The following ADGRL3 variants were observed in gnomAD, a reference collection of about 807,000 sequenced individuals.
ADGRL3 encodes calcium-independent alpha-latrotoxin receptor 3.
Under a neutral mutation model 153.5 loss-of-function variants are expected in ADGRL3, and 62 were observed. The observed-to-expected ratio is 0.40, with a 90% CI of 0.33 to 0.50. The LOEUF is 0.50. Among genes scored for constraint, ADGRL3 ranks in the 20% least tolerant of loss-of-function variants. The pLI is 0.47. For synonymous variants in ADGRL3, 710 were observed against 672.5 expected (o/e 1.06, Z -0.86); for missense variants, 1,641 against 1,859.4 (o/e 0.88, Z 2.16).
intron 1 of ADGRL3, among the ~76,000 whole-genome samples, chr4:61,334,131 G>T (rs1005458241): frequency 2.0e-5 from 3 of 151,682 alleles, no homozygotes; most frequent in African/African-American, 7.3e-5. Flanking sequence ...TGGCCAGGCT[G>T]GTCTCAAACT....
At chr4:61,825,335 A>G (rs2097790830) in intron 9 of ADGRL3, among the ~76,000 whole-genome samples, 1 of 152,188 alleles carries the variant, frequency 6.6e-6, no homozygotes, top group Non-Finnish European at 1.5e-5. Context: ...GTATGATATT[A>G]TATGTGAAAA....
chr4:61,603,695 C>A (rs2099021139), intron 5 of ADGRL3, among the ~76,000 whole-genome samples: 1 of 151,856 alleles, frequency 6.6e-6, no homozygotes, highest in Non-Finnish European at 1.5e-5. Context: ...AAAAATTAAA[C>A]TTACCAACTC....
chr4:61,785,084 G>A (rs895988204), intron 8 of ADGRL3, among the ~76,000 whole-genome samples: 2 of 152,118 alleles, frequency 1.3e-5, no homozygotes, highest in African/African-American at 2.4e-5. Flanking sequence ...TCTATAAATT[G>A]ATAGGATTGA....
chr4:61,453,032 T>C (rs1455840517), intron 2 of ADGRL3, among the ~76,000 whole-genome samples: 1 of 152,154 alleles, frequency 6.6e-6, no homozygotes, highest in African/African-American at 2.4e-5. Context: ...GATAAAACCA[T>C]AGGTGGCCCA....
intron 8 of ADGRL3, among the ~76,000 whole-genome samples, chr4:61,734,820 T>C (rs1054905827): frequency 1.6e-4 from 25 of 152,230 alleles, no homozygotes; most frequent in Admixed American, 4.6e-4. Context: ...GCTGTAAAAA[T>C]GTATAACTAC....
intron 9 of ADGRL3, among the ~76,000 whole-genome samples, chr4:61,860,595 G>T (rs1206695011): frequency 6.6e-6 from 1 of 151,980 alleles, no homozygotes; most frequent in African/African-American, 2.4e-5. Flanking sequence ...GTTGTTGCCA[G>T]CATTATACAA....
intron 8 of ADGRL3, among the ~76,000 whole-genome samples, chr4:61,785,084 G>C (rs895988204): frequency 1.3e-5 from 2 of 152,118 alleles, no homozygotes; most frequent in Non-Finnish European, 2.9e-5. Flanking sequence ...TCTATAAATT[G>C]ATAGGATTGA....
intron 6 of ADGRL3, among the ~76,000 whole-genome samples, chr4:61,691,049 T>C (rs2095530983): frequency 1.3e-5 from 2 of 152,308 alleles, no homozygotes; most frequent in South Asian, 4.1e-4. Context: ...CTTGTGTTTC[T>C]CTTTTTAAGA....
chr4:61,379,679 G>T (rs763167236), intron 1 of ADGRL3, among the ~76,000 whole-genome samples: 31 of 151,964 alleles, frequency 2.0e-4, no homozygotes, highest in Non-Finnish European at 4.0e-4. Context: ...CATAATATTG[G>T]AATTAATGTC....
chr4:61,474,746 T>G (rs1161585578), intron 2 of ADGRL3, among the ~76,000 whole-genome samples: 1 of 152,106 alleles, frequency 6.6e-6, no homozygotes, highest in East Asian at 1.9e-4. Flanking sequence ...CACATATATC[T>G]CAAAGCTTTA....
At chr4:61,277,733 T>C (rs1465438073) in intron 1 of ADGRL3, among the ~76,000 whole-genome samples, 1 of 152,206 alleles carries the variant, frequency 6.6e-6, no homozygotes, top group Non-Finnish European at 1.5e-5. Context: ...AGGATAATGA[T>C]ATCTATCCAA....
rs139932503 is a variant in ADGRL3 at position 62,053,199 on chromosome 4, C to T, written c.3814+8650C>T. 4.9e-3 allele frequency among the ~76,000 whole-genome samples: 736 copies of T among 151,378 alleles called. 2 individuals carry two copies. The highest frequency in any genetic ancestry group is 0.017 in the African/African-American group (702 of 41,442). On this transcript the variant is annotated intron_variant, in intron 25 of 26. Coordinates refer to ENST00000683033, the MANE Select transcript of ADGRL3 (RefSeq NM_001387552.1). ...TTTGTGAGGTAAATGGGAGTTAATT[C>T]AATTACCTAAAAAATTAAAATGTGA...
At chr4:61,554,753 C>G (rs974016632) in intron 4 of ADGRL3, among the ~76,000 whole-genome samples, 5 of 152,226 alleles carry the variant, frequency 3.3e-5, no homozygotes, top group African/African-American at 1.2e-4. Context: ...TCTCTGTCCC[C>G]TTAGGTTATG....
rs191170238 is a variant in ADGRL3 at position 61,752,137 on chromosome 4, G to A, written c.1399+18583G>A. ...GTCCATACTTACCTCGGGAAGAAAA[G>A]TATTTTGTTCCTGCTCTTATAGATT... On this transcript the variant is annotated intron_variant, in intron 8 of 26. Coordinates refer to ENST00000683033, the MANE Select transcript of ADGRL3 (RefSeq NM_001387552.1). Among the ~76,000 whole-genome samples, 23 of 152,260 alleles carry A rather than the reference G, an allele frequency of 1.5e-4. No homozygotes were observed. In the East Asian group the frequency reaches 4.1e-3, roughly 27 times the overall value.
intron 9 of ADGRL3, among the ~76,000 whole-genome samples, chr4:61,822,350 A>G (rs576849956): frequency 6.6e-6 from 1 of 152,006 alleles, no homozygotes; most frequent in African/African-American, 2.4e-5. Flanking sequence ...TGTATCAAAC[A>G]CAGAAAAATA....
intron 5 of ADGRL3, among the ~76,000 whole-genome samples, chr4:61,595,198 A>T (rs1393706115): frequency 6.6e-6 from 1 of 151,296 alleles, no homozygotes; most frequent in Non-Finnish European, 1.5e-5. Context: ...GCAAGACAAA[A>T]TCCCCTTTAT....
At chr4:62,045,731 A>G (rs1730787027) in intron 25 of ADGRL3, among the ~76,000 whole-genome samples, 1 of 151,998 alleles carries the variant, frequency 6.6e-6, no homozygotes, top group African/African-American at 2.4e-5. Flanking sequence ...TAGTAACTAT[A>G]AACTAGTGAT....
intron 4 of ADGRL3, among the ~76,000 whole-genome samples, chr4:61,532,516 CTGCAGGATGCTGCATGCGCGCGCG>C (rs1325453123): frequency 6.8e-6 from 1 of 147,722 alleles, no homozygotes; most frequent in African/African-American, 2.5e-5. Context: ...AGTCTTGTTT[CTGCAGGATGCTGCATGCGCGCGCG>C]CGCGCGCGCG....
In ADGRL3 at chr4:61,515,192, C is replaced by T. The variant is rs533426216; in HGVS notation, c.56-2123C>T. ...CTTCACCTTGACCCCTATACCCAGCCGTTGTGCTATTTCTCAAACACACCA... is the reference window on the plus strand; with the variant it reads ...CTTCACCTTGACCCCTATACCCAGCTGTTGTGCTATTTCTCAAACACACCA... On this transcript the variant is annotated intron_variant, in intron 3 of 26. Coordinates refer to ENST00000683033, the MANE Select transcript of ADGRL3 (RefSeq NM_001387552.1). 2.6e-5 allele frequency among the ~76,000 whole-genome samples: 4 copies of T among 152,228 alleles called. No homozygotes were observed. The East Asian group carries it at 7.8e-4, about 30-fold the overall frequency.
Sources: allele counts gnomAD v4.1 joint callset (sites outside exome capture counted in the v4.1 genomes callset), GRCh38; gene constraint gnomAD v4.1.1; transcripts MANE v1.5; gene names NCBI Gene and HGNC (gene_info 2026-07-23, HGNC 2026-07-21).